LRBA: variants seen among roughly 807,000 people sequenced by gnomAD.
LRBA encodes the protein lipopolysaccharide-responsive and beige-like anchor protein.
LRBA carries 176 observed loss-of-function variants against 330.0 expected under a neutral mutation model. The observed-to-expected ratio is 0.53, with a 90% CI of 0.47 to 0.60. LRBA has a LOEUF of 0.60. Ranked by LOEUF, LRBA falls within the 20% of genes least tolerant of loss-of-function variation. The pLI is 0.00. For missense variants in LRBA, 3,259 were observed against 3,444.8 expected, an observed-to-expected ratio of 0.95 and a Z score of 1.35; for synonymous variants, 1,230 against 1,193.0, an observed-to-expected ratio of 1.03 and a Z score of -0.64.
intron 40 of LRBA, chr4:150,580,884 A>G (rs1771229841): frequency 6.5e-6 from 1 of 153,224 alleles, no homozygotes; most frequent in Non-Finnish European, 1.5e-5. Flanking sequence ...ATAGTTATAG[A>G]TTTTTGTGGC....
At chr4:150,799,510 T>C (rs534886312) in intron 33 of LRBA, among the ~76,000 whole-genome samples, 72 of 152,348 alleles carry the variant, frequency 4.7e-4, no homozygotes, top group Non-Finnish European at 1.3e-4. Flanking sequence ...TCAAAACCCA[T>C]TATTTCCAGA....
intron 2 of LRBA, among the ~76,000 whole-genome samples, chr4:150,951,150 T>C (rs1736790387): frequency 2.6e-5 from 4 of 152,338 alleles, no homozygotes; most frequent in Non-Finnish European, 4.4e-5. Context: ...TTCAATGATG[T>C]AGCCTGGTCC....
intron 37 of LRBA, among the ~76,000 whole-genome samples, chr4:150,639,783 GTGTGTGTGTA>G (rs1581891973): frequency 6.7e-4 from 2 of 2,990 alleles, no homozygotes; most frequent in East Asian, 0.025. Context: ...ATATATATAT[GTGTGTGTGTA>G]TATATATATA....
chr4:150,489,059 A>T (rs1279758388), intron 41 of LRBA, among the ~76,000 whole-genome samples: 1 of 73,734 alleles, frequency 1.4e-5, no homozygotes, highest in African/African-American at 5.6e-5. Context: ...ATATATAAGA[A>T]TATATAATAT....
chr4:150,596,977 C>A (rs1020458330), intron 38 of LRBA: 3 of 550,376 alleles, frequency 5.5e-6, no homozygotes, highest in Non-Finnish European at 9.9e-6. Flanking sequence ...GAATCTCCTA[C>A]ACATTTAGAT....
chr4:150,895,191 T>C (rs1729927269), intron 16 of LRBA, among the ~76,000 whole-genome samples: 1 of 152,168 alleles, frequency 6.6e-6, no homozygotes, highest in African/African-American at 2.4e-5. Flanking sequence ...TAACTAAAAA[T>C]AGATGATTTA....
intron 47 of LRBA, among the ~76,000 whole-genome samples, chr4:150,399,562 C>T (rs1432393655): frequency 6.6e-6 from 1 of 152,078 alleles, no homozygotes; most frequent in Non-Finnish European, 1.5e-5. Context: ...GATGCTGAGC[C>T]ACCACTAACA....
At chr4:150,971,731 G>C (rs1739600868) in intron 2 of LRBA, among the ~76,000 whole-genome samples, 1 of 151,998 alleles carries the variant, frequency 6.6e-6, no homozygotes, top group African/African-American at 2.4e-5. Flanking sequence ...GAAACATTAA[G>C]AGCTCTGATT....
At chr4:150,433,426 T>C (rs1017724068) in intron 46 of LRBA, among the ~76,000 whole-genome samples, 1 of 152,092 alleles carries the variant, frequency 6.6e-6, no homozygotes, top group Non-Finnish European at 1.5e-5. Flanking sequence ...ATCAAAGCAA[T>C]GAACAGGAAT....
At chr4:150,985,501 T>G (rs954903027) in intron 2 of LRBA, among the ~76,000 whole-genome samples, 2 of 147,458 alleles carry the variant, frequency 1.4e-5, no homozygotes, top group African/African-American at 2.5e-5. Flanking sequence ...AATATATAGT[T>G]TTTTTTTTTT....
intron 30 of LRBA, among the ~76,000 whole-genome samples, chr4:150,823,454 G>T (rs1423885243): frequency 1.3e-5 from 2 of 152,190 alleles, no homozygotes; most frequent in Non-Finnish European, 2.9e-5. Flanking sequence ...CTATGCATAA[G>T]TTCTGTAGCT....
chr4:150,511,460 T>C (rs1581540664), intron 40 of LRBA, among the ~76,000 whole-genome samples: 1 of 152,192 alleles, frequency 6.6e-6, no homozygotes, highest in African/African-American at 2.4e-5. Flanking sequence ...AAACATGTCA[T>C]ACAACATAAC....
At chr4:150,605,301 A>G (rs1774515221) in intron 37 of LRBA, among the ~76,000 whole-genome samples, 2 of 152,212 alleles carry the variant, frequency 1.3e-5, no homozygotes, top group African/African-American at 4.8e-5. Flanking sequence ...ATATGTCAAT[A>G]AAAGTATATG....
intron 47 of LRBA, among the ~76,000 whole-genome samples, chr4:150,365,791 C>CAA (rs58972028): frequency 1.1e-4 from 10 of 91,644 alleles, no homozygotes; most frequent in South Asian, 3.8e-4. Flanking sequence ...AACTCTGTCT[C>CAA]AAAAAAAAAA....
intron 40 of LRBA, among the ~76,000 whole-genome samples, chr4:150,563,500 T>G (rs1768659140): frequency 6.6e-6 from 1 of 152,118 alleles, no homozygotes; most frequent in South Asian, 2.1e-4. Context: ...CTCTCACCAC[T>G]TCTATTCGAC....
At chr4:150,447,664 A>C (rs7698239) in intron 44 of LRBA, among the ~76,000 whole-genome samples, 1 of 151,988 alleles carries the variant, frequency 6.6e-6, no homozygotes, top group Non-Finnish European at 1.5e-5. Flanking sequence ...GATAACTCCT[A>C]TTGGTTCTGT....
At chr4:150,885,816 G>A (rs2127067949) in intron 17 of LRBA, among the ~76,000 whole-genome samples, 1 of 152,232 alleles carries the variant, frequency 6.6e-6, no homozygotes, top group East Asian at 1.9e-4. Flanking sequence ...AGTGCTAACA[G>A]AAAGAAAACT....
chr4:150,397,575 G>A (rs1475043208), intron 47 of LRBA, among the ~76,000 whole-genome samples: 1 of 152,168 alleles, frequency 6.6e-6, no homozygotes, highest in East Asian at 1.9e-4. Flanking sequence ...ACCATGCCAG[G>A]CCTAAGAATG....
At chr4:150,814,464 C>T (rs1578869204) in intron 31 of LRBA, among the ~76,000 whole-genome samples, 1 of 151,518 alleles carries the variant, frequency 6.6e-6, no homozygotes, top group African/African-American at 2.4e-5. Flanking sequence ...CATCAATTAA[C>T]GGAATAAAAT....
Sources: gnomAD v4.1 joint callset for allele counts (sites outside exome capture counted in the v4.1 genomes callset) on GRCh38, gnomAD v4.1.1 for gene constraint, MANE v1.5 for transcripts, NCBI Gene and HGNC (gene_info 2026-07-23, HGNC 2026-07-21) for gene names.